Variants in SLC4A10 observed in about 807,000 individuals in gnomAD.
SLC4A10 encodes the protein sodium-driven chloride bicarbonate exchanger.
In SLC4A10, 42 loss-of-function variants were observed where a neutral mutation model predicts 137.7. The observed-to-expected ratio is 0.30, with a 90% confidence interval of 0.24 to 0.39. SLC4A10 has a LOEUF of 0.39. Ranked by LOEUF, SLC4A10 falls within the 10% of genes least tolerant of loss-of-function variation. The pLI is 1.00. For synonymous variants in SLC4A10, 474 were observed against 464.1 expected (o/e 1.02, Z -0.27); for missense variants, 925 against 1,355.0 (o/e 0.68, Z 4.98).
At chr2:161,893,122 A>G (rs953792748) in intron 10 of SLC4A10, among the ~76,000 whole-genome samples, 1 of 152,096 alleles carries the variant, frequency 6.6e-6, no homozygotes, top group Non-Finnish European at 1.5e-5. Context: ...TTCAAAACTG[A>G]CATATGTACA....
intron 1 of SLC4A10, among the ~76,000 whole-genome samples, chr2:161,763,307 A>C (rs2050441406): frequency 6.6e-6 from 1 of 152,110 alleles, no homozygotes; most frequent in African/African-American, 2.4e-5. Flanking sequence ...GGAGCCATGG[A>C]GTTTTAGTCA....
chr2:161,767,810 T>C (rs187678160), intron 1 of SLC4A10, among the ~76,000 whole-genome samples: 42 of 152,186 alleles, frequency 2.8e-4, no homozygotes, highest in African/African-American at 9.4e-4. Flanking sequence ...TGGAAGATGA[T>C]ATCGCCTCTC....
At chr2:161,935,042 G>A (rs1485604355) in intron 15 of SLC4A10, among the ~76,000 whole-genome samples, 2 of 152,006 alleles carry the variant, frequency 1.3e-5, no homozygotes, top group Non-Finnish European at 2.9e-5. Flanking sequence ...AGTGGTTTTA[G>A]GTATTTAATC....
chr2:161,910,719 A>C (rs994616573), intron 15 of SLC4A10, among the ~76,000 whole-genome samples: 1 of 151,980 alleles, frequency 6.6e-6, no homozygotes, highest in Non-Finnish European at 1.5e-5. Flanking sequence ...GGTTATGAGA[A>C]ATTTTTTTAT....
At chr2:161,973,698 A>G (rs920486832) in intron 23 of SLC4A10, among the ~76,000 whole-genome samples, 2 of 152,194 alleles carry the variant, frequency 1.3e-5, no homozygotes, top group Admixed American at 1.3e-4. Context: ...TGGTCACCAG[A>G]CCAGCATAAT....
chr2:161,970,988 C>T (rs1266488192), intron 23 of SLC4A10, among the ~76,000 whole-genome samples: 1 of 148,232 alleles, frequency 6.7e-6, no homozygotes, highest in African/African-American at 2.4e-5. Flanking sequence ...ATTGTTTCTT[C>T]CCACCTGGAG....
intron 2 of SLC4A10, 140 bp from the exon 3 acceptor site, chr2:161,804,309 G>T (rs1303460735): frequency 1.1e-5 from 9 of 845,422 alleles, no homozygotes; most frequent in Non-Finnish European, 1.6e-5. Flanking sequence ...ACAGTGCCAC[G>T]CTCCAAGCTT....
At chr2:161,950,919 T>C in intron 19 of SLC4A10, 71 bp downstream of exon 19, 1 of 1,221,806 alleles carries the variant, frequency 8.2e-7, no homozygotes, top group Non-Finnish European at 1.1e-6. Flanking sequence ...ATTTGACTTC[T>C]ATATTCTGTA....
chr2:161,625,424 A>C (rs979054714), intron 1 of SLC4A10, among the ~76,000 whole-genome samples: 9 of 151,760 alleles, frequency 5.9e-5, no homozygotes, highest in East Asian at 1.9e-4. Context: ...GAAAAAAAAA[A>C]CCCAGTATTT....
At chr2:161,766,919 T>C (rs960321587) in intron 1 of SLC4A10, among the ~76,000 whole-genome samples, 1 of 151,168 alleles carries the variant, frequency 6.6e-6, no homozygotes, top group African/African-American at 2.4e-5. Flanking sequence ...GTCAGAAAGA[T>C]ATAAGACCAC....
chr2:161,741,897 C>A (rs1384414692), intron 1 of SLC4A10, among the ~76,000 whole-genome samples: 1 of 152,152 alleles, frequency 6.6e-6, no homozygotes, highest in African/African-American at 2.4e-5. Flanking sequence ...GTTGTGTTAT[C>A]AAATACCAGG....
At chr2:161,693,978 G>A (rs1249214728) in intron 1 of SLC4A10, among the ~76,000 whole-genome samples, 1 of 151,928 alleles carries the variant, frequency 6.6e-6, no homozygotes, top group Non-Finnish European at 1.5e-5. Context: ...GCAAGTTTAA[G>A]AGAAATACTC....
chr2:161,900,880 AC>A, intron 11 of SLC4A10, 30 bp from the exon 12 acceptor site: 1 of 1,456,028 alleles, frequency 6.9e-7, no homozygotes, highest in Non-Finnish European at 9.2e-7. Context: ...TTAAAACAAA[AC>A]AAAACACATG....
In SLC4A10 at chr2:161,984,957, T is replaced by C. The variant is rs1209608588; in HGVS notation, c.*1805T>C. 1 of 152,100 alleles carries C rather than the reference T, an allele frequency of 6.6e-6. No individual in the cohort carries two copies. Among genetic ancestry groups the C allele is most frequent in the Non-Finnish European group, 1.5e-5 (1 of 67,950 alleles). 9.4% of individuals were successfully genotyped at this position (152,100 alleles called of 1,614,324 possible). A position where few individuals can be genotyped will look rare whatever the true frequency, so the allele number is the denominator to read the frequency against. On this transcript the variant is annotated 3_prime_UTR_variant, in exon 27 of 27. Coordinates refer to ENST00000446997, the MANE Select transcript of SLC4A10 (RefSeq NM_001178015.2). ...ATTTAAATCTTCACATGATCACCTA[T>C]TTGAATAAGCAATCATATCCAATGA...
intron 1 of SLC4A10, among the ~76,000 whole-genome samples, chr2:161,718,489 T>C (rs2125101767): frequency 6.6e-6 from 1 of 152,334 alleles, no homozygotes; most frequent in Admixed American, 6.5e-5. Context: ...CCAGAGATTC[T>C]GGTATGCTCT....
intron 1 of SLC4A10, among the ~76,000 whole-genome samples, chr2:161,645,914 C>A (rs1488127270): frequency 2.6e-5 from 4 of 151,896 alleles, no homozygotes; most frequent in African/African-American, 9.7e-5. Flanking sequence ...TAAGCATTTA[C>A]CCAGGGGTGG....
rs369876381 is a variant in SLC4A10, at chr2:161,700,493, C to T, written c.49-70480C>T. On this transcript the variant is annotated intron_variant, in intron 1 of 26. Coordinates refer to ENST00000446997, the MANE Select transcript of SLC4A10 (RefSeq NM_001178015.2). Reference sequence around the variant, plus strand: ...ACTTTATCTCCTACATTTAGCTTATCGACTTTTTAAATGATCCATTGGATC... The same window carrying T: ...ACTTTATCTCCTACATTTAGCTTATTGACTTTTTAAATGATCCATTGGATC... 1.2e-4 allele frequency among the ~76,000 whole-genome samples: 19 copies of T among 152,110 alleles called. No homozygotes were observed. The South Asian group carries it at 3.3e-3, about 27-fold the overall frequency.
In SLC4A10 at chr2:161,904,769, TAC is replaced by T; in HGVS notation, c.1618-3_1618-2del. 1 of 1,613,954 alleles carries T rather than the reference TAC, an allele frequency of 6.2e-7. No homozygotes were observed. The highest frequency in any genetic ancestry group is 8.5e-7 in the Non-Finnish European group (1 of 1,179,852). ...TAGGTAATTGAACCATTTATATCTC[TAC>T]ACAGAGTGCAATTGAATCTCTCTTT... On this transcript the variant is annotated splice_polypyrimidine_tract_variant and splice_region_variant and intron_variant, in intron 13 of 26. Transcript: ENST00000446997.
intron 1 of SLC4A10, among the ~76,000 whole-genome samples, chr2:161,660,815 AG>A (rs2038282217): frequency 6.6e-6 from 1 of 150,550 alleles, no homozygotes; most frequent in Middle Eastern, 3.2e-3. Context: ...CACCACACCC[AG>A]CTAATTTTTT....
Sources: gnomAD v4.1 joint callset for allele counts (sites outside exome capture counted in the v4.1 genomes callset) on GRCh38, gnomAD v4.1.1 for gene constraint, MANE v1.5 for transcripts, NCBI Gene and HGNC (gene_info 2026-07-23, HGNC 2026-07-21) for gene names.